Variants in SCAPER observed in about 807,000 individuals in gnomAD.
The protein encoded by SCAPER is S-phase cyclin A associated protein in the ER.
Under a neutral mutation model 182.2 loss-of-function variants are expected in SCAPER, and 98 were observed. The ratio of observed to expected loss-of-function variants is 0.54; its 90% confidence interval spans 0.46 to 0.64. The LOEUF (loss-of-function observed/expected upper bound fraction) is 0.64. Ranked by LOEUF, SCAPER falls within the 30% of genes least tolerant of loss-of-function variation. The pLI, the probability that SCAPER is intolerant of heterozygous loss-of-function variation, is 0.00. For synonymous variants in SCAPER, 605 were observed against 564.6 expected (o/e 1.07, Z -1.01); for missense variants, 1,432 against 1,690.0 (o/e 0.85, Z 2.68).
intron 26 of SCAPER, among the ~76,000 whole-genome samples, chr15:76,428,894 A>ATATATATATATATG: frequency 7.2e-6 from 1 of 138,122 alleles, no homozygotes; most frequent in East Asian, 2.2e-4. Context: ...ATATATATAT[A>ATATATATATATATG]AACATCAAAA....
At chr15:76,809,374 T>C (rs571863797) in intron 5 of SCAPER, among the ~76,000 whole-genome samples, 9 of 152,180 alleles carry the variant, frequency 5.9e-5, no homozygotes, top group African/African-American at 2.2e-4. Context: ...GAAGGAGTAA[T>C]GCATAAAACT....
intron 27 of SCAPER, among the ~76,000 whole-genome samples, chr15:76,395,957 G>A (rs755716754): frequency 6.6e-6 from 1 of 152,070 alleles, no homozygotes; most frequent in Non-Finnish European, 1.5e-5. Context: ...ATGTTTTCTT[G>A]TAGTAGTTTC....
chr15:76,698,721 A>G (rs879474907), intron 20 of SCAPER, among the ~76,000 whole-genome samples: 5 of 152,236 alleles, frequency 3.3e-5, no homozygotes, highest in Non-Finnish European at 7.3e-5. Context: ...TTAAAAAATC[A>G]CAAAAAAAGT....
At chr15:76,709,790 A>C (rs1421780233) in intron 17 of SCAPER, among the ~76,000 whole-genome samples, 1 of 152,206 alleles carries the variant, frequency 6.6e-6, no homozygotes, top group Non-Finnish European at 1.5e-5. Context: ...CTTGGCAAGA[A>C]GCCACCAACA....
intron 21 of SCAPER, among the ~76,000 whole-genome samples, chr15:76,662,517 A>G (rs963273398): frequency 1.3e-5 from 2 of 152,156 alleles, no homozygotes; most frequent in Admixed American, 1.3e-4. Flanking sequence ...TATAGAAATC[A>G]AGAGAGTTTA....
chr15:76,599,691 C>T (rs1345314529), intron 22 of SCAPER, among the ~76,000 whole-genome samples: 1 of 121,822 alleles, frequency 8.2e-6, no homozygotes, highest in Non-Finnish European at 2.0e-5. Context: ...TGGTGAAAGA[C>T]AAGCTCTACA....
intron 20 of SCAPER, among the ~76,000 whole-genome samples, chr15:76,675,035 A>G (rs748549599): frequency 6.6e-6 from 1 of 152,232 alleles, no homozygotes. Flanking sequence ...TCAAGATAGT[A>G]CTTATGGAGA....
At chr15:76,668,471 C>T (rs2056782571) in intron 20 of SCAPER, among the ~76,000 whole-genome samples, 1 of 152,202 alleles carries the variant, frequency 6.6e-6, no homozygotes, top group African/African-American at 2.4e-5. Context: ...TCTTTCTTCA[C>T]TAAAACTACA....
At chr15:76,698,277 C>A (rs1454739798) in intron 20 of SCAPER, among the ~76,000 whole-genome samples, 1 of 151,978 alleles carries the variant, frequency 6.6e-6, no homozygotes, top group African/African-American at 2.4e-5. Flanking sequence ...TACCTTCGAG[C>A]CACTCTGTAT....
intron 22 of SCAPER, among the ~76,000 whole-genome samples, chr15:76,581,175 C>T (rs953238554): frequency 3.3e-5 from 5 of 151,806 alleles, no homozygotes; most frequent in African/African-American, 1.2e-4. Flanking sequence ...CCAACAACAA[C>T]AACAAAAAAA....
chr15:76,479,992 A>G (rs770437582), intron 24 of SCAPER, among the ~76,000 whole-genome samples: 3 of 152,242 alleles, frequency 2.0e-5, no homozygotes, highest in Non-Finnish European at 4.4e-5. Context: ...GTTTTTATCA[A>G]TTATCGTTTT....
chr15:76,728,067 A>C (rs2060698671), intron 17 of SCAPER, among the ~76,000 whole-genome samples: 1 of 152,114 alleles, frequency 6.6e-6, no homozygotes, highest in Non-Finnish European at 1.5e-5. Flanking sequence ...CACGTCAGTA[A>C]GGTCACACCA....
At chr15:76,766,786 T>C in intron 11 of SCAPER, 132 bp downstream of exon 11, 3 of 707,910 alleles carry the variant, frequency 4.2e-6, no homozygotes, top group Middle Eastern at 4.1e-4. Context: ...ATAATAGTTA[T>C]GATTACTGAA....
intron 20 of SCAPER, among the ~76,000 whole-genome samples, chr15:76,668,644 TCTC>T (rs1433481342): frequency 5.9e-5 from 9 of 152,178 alleles, no homozygotes; most frequent in Non-Finnish European, 8.8e-5. Context: ...TTATTTGTCA[TCTC>T]CTTATTTCTT....
intron 5 of SCAPER, among the ~76,000 whole-genome samples, chr15:76,818,618 T>C (rs1046659717): frequency 7.9e-5 from 12 of 152,186 alleles, no homozygotes; most frequent in African/African-American, 1.7e-4. Flanking sequence ...GGAGCCAAGA[T>C]GGCCAAATAG....
chr15:76,436,269 T>C (rs1024576553), intron 25 of SCAPER, among the ~76,000 whole-genome samples: 1 of 152,196 alleles, frequency 6.6e-6, no homozygotes, highest in Non-Finnish European at 1.5e-5. Context: ...GGTTTCACCA[T>C]GTTGGCCAGG....
chr15:76,607,306 G>T (rs1458453470), intron 22 of SCAPER, among the ~76,000 whole-genome samples: 1 of 151,928 alleles, frequency 6.6e-6, no homozygotes, highest in East Asian at 1.9e-4. Context: ...GAAATTCTGG[G>T]TTGAAAATTC....
intron 5 of SCAPER, among the ~76,000 whole-genome samples, chr15:76,822,166 G>A (rs1048603257): frequency 6.6e-6 from 1 of 152,170 alleles, no homozygotes; most frequent in African/African-American, 2.4e-5. Context: ...ACTTGGGAAT[G>A]ATAATGATTT....
rs560446619 is a variant in SCAPER, at chr15:76,901,783, G to A, written c.-60+3516C>T. ...TGTTCAGGCTGCAGTGCAGTGGCAC[G>A]ATCTCAGCTCACTGCAACCTCCACC... On this transcript the variant is annotated intron_variant, in intron 1 of 31. Coordinates refer to ENST00000563290, the MANE Select transcript of SCAPER (RefSeq NM_020843.4). Among the ~76,000 whole-genome samples the A allele has an allele frequency of 3.3e-5, 5 of 151,594 alleles. No individual in the cohort carries two copies. The East Asian group carries it at 7.8e-4, about 24-fold the overall frequency.
Sources: gnomAD v4.1 joint callset for allele counts (sites outside exome capture counted in the v4.1 genomes callset) on GRCh38, gnomAD v4.1.1 for gene constraint, MANE v1.5 for transcripts, NCBI Gene and HGNC (gene_info 2026-07-23, HGNC 2026-07-21) for gene names.